ATP10D: variants seen among roughly 807,000 people sequenced by gnomAD.
ATP10D encodes phospholipid-transporting ATPase VD.
Under a neutral mutation model 144.8 loss-of-function variants are expected in ATP10D, and 89 were observed. The observed-to-expected ratio is 0.61, with a 90% CI of 0.52 to 0.73. The LOEUF is 0.73. ATP10D is among the 30% of genes least tolerant of loss of function. The pLI, the probability that ATP10D is intolerant of heterozygous loss-of-function variation, is 0.00. For missense variants in ATP10D, 1,603 were observed against 1,714.8 expected, an observed-to-expected ratio of 0.93 and a Z score of 1.15; for synonymous variants, 571 against 615.1, an observed-to-expected ratio of 0.93 and a Z score of 1.06.
In ATP10D at chr4:47,591,085, A is replaced by G. The variant is rs760966304; in HGVS notation, c.3985A>G (p.Ile1329Val). The change falls in exon 23 of 23, where the codon ATT becomes GTT. Residue 1329 changes from isoleucine (I) to valine (V), a missense_variant. Ile to Val is a conservative substitution (Grantham distance 29, BLOSUM62 3). Transcript: ENST00000273859. Reference protein sequence around the residue: ...VLQGSLFPSPILRAKHFDRLT... With the variant: ...VLQGSLFPSPVLRAKHFDRLT... ...TCAGGGATCCCTGTTTCCATCTCCA[A>G]TTCTGAGAGCTAAGCACTTTGACAG... The G allele has an allele frequency of 3.1e-6, 5 of 1,612,312 alleles. No homozygotes were observed. The highest frequency in any genetic ancestry group is 4.2e-6 in the Non-Finnish European group (5 of 1,179,170).
At chr4:47,565,583 T>G (rs1719585621) in intron 15 of ATP10D, among the ~76,000 whole-genome samples, 1 of 152,156 alleles carries the variant, frequency 6.6e-6, no homozygotes, top group Non-Finnish European at 1.5e-5. Flanking sequence ...GTAATGACTG[T>G]TTAATGGGGT....
chr4:47,546,526 G>A (rs1322482199), intron 9 of ATP10D, 98 bp from the exon 10 acceptor site: 5 of 1,079,080 alleles, frequency 4.6e-6, no homozygotes, highest in Non-Finnish European at 7.0e-6. Context: ...GAAAGGGGAG[G>A]AGATGGTGTG....
intron 1 of ATP10D, among the ~76,000 whole-genome samples, chr4:47,490,798 G>T (rs1403037563): frequency 6.6e-6 from 1 of 152,202 alleles, no homozygotes; most frequent in African/African-American, 2.4e-5. Flanking sequence ...GCCTTAGGAA[G>T]TCTCTAATGA....
At chr4:47,568,610 A>C (rs557323272) in intron 15 of ATP10D, among the ~76,000 whole-genome samples, 1 of 152,286 alleles carries the variant, frequency 6.6e-6, no homozygotes, top group East Asian at 1.9e-4. Flanking sequence ...TTTCACAGCT[A>C]TTTCTTTATA....
chr4:47,591,615 T>C lies in ATP10D; in HGVS notation c.*234T>C, dbSNP rs924653305. The C allele has an allele frequency of 9.1e-6, 3 of 328,394 alleles. No homozygotes were observed. Among genetic ancestry groups the C allele is most frequent in the Non-Finnish European group, 1.1e-5 (2 of 182,566 alleles). 20.3% of individuals were successfully genotyped at this position (328,394 alleles called of 1,614,324 possible). On this transcript the variant is annotated 3_prime_UTR_variant, in exon 23 of 23. Coordinates refer to ENST00000273859, the MANE Select transcript of ATP10D (RefSeq NM_020453.4). ...GTGAAATATTTAATTCAGAACCAAA[T>C]GCTTTTGTAAAACTTTTTGGATTTT...
chr4:47,512,826 C>A lies in ATP10D; in HGVS notation c.286C>A (p.His96Asn). The change falls in exon 2 of 23, where the codon CAC becomes AAC. Residue 96 changes from histidine to asparagine, a missense_variant. Transcript: ENST00000273859. ...FVPRNLFEQF[H>N]RAANLYFLFL... is the part of the protein sequence containing the mutation. ...GCCAAGAAATTTATTTGAACAATTT[C>A]ACAGGTACTGTTTTATTTTTGAAGA... 6.3e-7 allele frequency: 1 copy of A among 1,598,828 alleles called. No homozygotes were observed. The highest frequency in any genetic ancestry group is 1.7e-5 in the Admixed American group (1 of 59,260).
At chr4:47,531,494 G>T (rs1717567165) in intron 5 of ATP10D, among the ~76,000 whole-genome samples, 1 of 152,208 alleles carries the variant, frequency 6.6e-6, no homozygotes, top group African/African-American at 2.4e-5. Flanking sequence ...CAATAAGGCA[G>T]ATCATGAAGA....
chr4:47,580,764 A>G (rs1474466333), intron 20 of ATP10D, among the ~76,000 whole-genome samples: 6 of 152,192 alleles, frequency 3.9e-5, no homozygotes, highest in African/African-American at 1.4e-4. Context: ...TAATTAGATT[A>G]GTCAAAAATC....
At chr4:47,556,398 G>C (rs1225156045) in intron 11 of ATP10D, among the ~76,000 whole-genome samples, 1 of 152,190 alleles carries the variant, frequency 6.6e-6, no homozygotes, top group African/African-American at 2.4e-5. Flanking sequence ...TGCAGTTACA[G>C]AATAAAGGCT....
chr4:47,569,165 G>C lies in ATP10D; in HGVS notation c.3163+19G>C. On this transcript the variant is annotated intron_variant, in intron 16 of 22. Coordinates refer to ENST00000273859, the MANE Select transcript of ATP10D (RefSeq NM_020453.4). ...GCTATTGGTGAGTGAGGATGAATCT[G>C]AGTCCTGCTCTTCTCCCTTTCACAC... 6.2e-7 allele frequency: 1 copy of C among 1,605,016 alleles called. No homozygotes were observed.
chr4:47,578,094 C>T (rs935507620), intron 19 of ATP10D, among the ~76,000 whole-genome samples: 24 of 152,288 alleles, frequency 1.6e-4, no homozygotes, highest in African/African-American at 5.3e-4. Flanking sequence ...TCCTTGTACA[C>T]GCTGTTCTAG....
At chr4:47,508,148 T>C (rs912615182) in intron 1 of ATP10D, among the ~76,000 whole-genome samples, 1 of 152,158 alleles carries the variant, frequency 6.6e-6, no homozygotes, top group Non-Finnish European at 1.5e-5. Context: ...TGGAATACAG[T>C]TCGTTCATGA....
chr4:47,590,335 A>G, intron 22 of ATP10D, among the ~76,000 whole-genome samples: 1 of 152,160 alleles, frequency 6.6e-6, no homozygotes, highest in Non-Finnish European at 1.5e-5. Context: ...GTCTATCCAG[A>G]TTGCAAAAGT....
chr4:47,511,754 G>A (rs1276671487), intron 1 of ATP10D, among the ~76,000 whole-genome samples: 1 of 152,152 alleles, frequency 6.6e-6, no homozygotes, highest in African/African-American at 2.4e-5. Flanking sequence ...TGCCTTCTGG[G>A]CACACTCGCT....
At chr4:47,509,963 TG>T (rs1716231888) in intron 1 of ATP10D, among the ~76,000 whole-genome samples, 1 of 151,384 alleles carries the variant, frequency 6.6e-6, no homozygotes, top group Non-Finnish European at 1.5e-5. Context: ...TGTGTGTGTG[TG>T]TGTGTGTGTG....
chr4:47,582,072 G>T lies in ATP10D; in HGVS notation c.3753+8G>T. On this transcript the variant is annotated splice_region_variant and intron_variant, in intron 21 of 22. Coordinates refer to ENST00000273859, the MANE Select transcript of ATP10D (RefSeq NM_020453.4). ...ATTGAAAGCAAGAGTTTGGTGAGTG[G>T]TTTTCTTGCCTCTGAAGTAGCCTAA... 6.2e-7 allele frequency: 1 copy of T among 1,604,520 alleles called. No individual in the cohort carries two copies.
chr4:47,488,735 T>C (rs1389900916), intron 1 of ATP10D, among the ~76,000 whole-genome samples: 27 of 152,090 alleles, frequency 1.8e-4, no homozygotes, highest in Admixed American at 1.8e-3. Context: ...CCTCCCTTTC[T>C]GAATTCGTAT....
At chr4:47,539,126 T>C (rs558399115) in intron 9 of ATP10D, among the ~76,000 whole-genome samples, 56 of 152,300 alleles carry the variant, frequency 3.7e-4, no homozygotes, top group Non-Finnish European at 3.8e-4. Context: ...TCTCTTCTTA[T>C]CAAAAGGTTT....
At chr4:47,561,604 T>C (rs1719306189) in intron 14 of ATP10D, among the ~76,000 whole-genome samples, 1 of 152,184 alleles carries the variant, frequency 6.6e-6, no homozygotes, top group Non-Finnish European at 1.5e-5. Context: ...CTGCACCTGC[T>C]ACTGGACTAA....
Sources: gnomAD v4.1 joint callset for allele counts (sites outside exome capture counted in the v4.1 genomes callset) on GRCh38, gnomAD v4.1.1 for gene constraint, MANE v1.5 for transcripts, NCBI Gene and HGNC (gene_info 2026-07-23, HGNC 2026-07-21) for gene names.